CROCC2: variants seen among roughly 807,000 people sequenced by gnomAD.
The protein encoded by CROCC2 is ciliary rootlet coiled-coil protein 2.
In CROCC2, 163 loss-of-function variants were observed where a neutral mutation model predicts 177.6. The observed-to-expected ratio is 0.92, with a 90% CI of 0.81 to 1.05. The LOEUF is 1.05. CROCC2 is among the 50% of genes least tolerant of loss of function. The pLI is 0.00. For synonymous variants in CROCC2, 904 were observed against 787.3 expected (o/e 1.15, Z -2.48); for missense variants, 1,929 against 1,797.8 (o/e 1.07, Z -1.32).
chr2:240,926,927 C>G (rs1020056303), intron 5 of CROCC2, among the ~76,000 whole-genome samples: 1 of 152,256 alleles, frequency 6.6e-6, no homozygotes, highest in African/African-American at 2.4e-5. Context: ...GGTCCCTGTC[C>G]TTGGACCGCT....
chr2:240,914,361 T>C (rs1440143801), intron 1 of CROCC2, among the ~76,000 whole-genome samples: 1 of 152,132 alleles, frequency 6.6e-6, no homozygotes, highest in African/African-American at 2.4e-5. Flanking sequence ...TGTGAAAACG[T>C]TTGCAAGTGG....
chr2:240,958,238 G>A lies in CROCC2; in HGVS notation c.2944-1063G>A. On this transcript the variant is annotated intron_variant, in intron 19 of 31. Transcript: ENST00000690015. The surrounding 1 kb of genome is among the most constrained non-coding windows in gnomAD (Gnocchi z 6.7). ...CCATCGGGCTCCCAGCCGATGCCCT[G>A]TCCCTGAGGCCCTCACAGGGGTATC... 1.0e-6 allele frequency: 1 copy of A among 968,024 alleles called. No homozygotes were observed. Among genetic ancestry groups the A allele is most frequent in the Non-Finnish European group, 1.2e-6 (1 of 813,942 alleles). The allele number at this position is 968,024 out of a possible 1,614,324, so 60.0% of individuals were successfully genotyped here.
chr2:240,939,464 G>A (rs1375486692), intron 14 of CROCC2, among the ~76,000 whole-genome samples: 1 of 141,744 alleles, frequency 7.1e-6, no homozygotes, highest in Non-Finnish European at 1.5e-5. Context: ...TTCTTTCCTT[G>A]GAATCATCAG....
Position 240,973,518 on chromosome 2 carries a change from T to C in CROCC2, c.4401+5256T>C, listed in dbSNP as rs112889480. On this transcript the variant is annotated intron_variant, in intron 27 of 31. Transcript: ENST00000690015. The surrounding 1 kb of genome is among the most constrained non-coding windows in gnomAD (Gnocchi z 4.7). ...TTCTTGGACTCTTGCCCAGGCCTCC[T>C]TCCCCCACTGTGCCCACGTGCCACA... 0.013 allele frequency among the ~76,000 whole-genome samples: 1,956 copies of C among 151,932 alleles called. 49 individuals carry two copies. Among genetic ancestry groups the C allele is most frequent in the African/African-American group, 0.045 (1,857 of 41,388 alleles).
At chr2:240,923,364 C>T (rs549867104) in intron 4 of CROCC2, among the ~76,000 whole-genome samples, 2 of 151,956 alleles carry the variant, frequency 1.3e-5, no homozygotes, top group African/African-American at 4.8e-5. Flanking sequence ...GGATCACCCA[C>T]TCACACCCTG....
chr2:240,965,958 G>T lies in CROCC2; in HGVS notation c.3926G>T (p.Trp1309Leu). Residue 1309 changes from tryptophan (W) to leucine (L), a missense_variant, in exon 24 of 32, where the codon TGG becomes TTG. Physicochemically the swap from Trp to Leu is moderately conservative, Grantham distance 61. Around this residue, in one of 3 missense-constraint regions of CROCC2, gnomAD observed 144 missense variants for 205.2 expected, o/e 0.70. Transcript: ENST00000690015. The part of the protein sequence containing the change: ...RGLGLQRQSP[W>L]ASPEQPGSPT... The stretch of plus-strand genomic sequence containing the variant: ...CTGGGGCTCCAGAGACAGAGCCCGT[G>T]GGCCTCCCCGGAGCAGCCTGGTTCC... 1 of 1,393,280 alleles carries T rather than the reference G, an allele frequency of 7.2e-7. No homozygotes were observed. Among genetic ancestry groups the T allele is most frequent in the African/African-American group, 1.5e-5 (1 of 68,040 alleles). The allele number at this position is 1,393,280 out of a possible 1,614,324, so 86.3% of individuals were successfully genotyped here.
chr2:240,971,468 G>A (rs115005249), intron 27 of CROCC2, among the ~76,000 whole-genome samples: 3,552 of 152,244 alleles, frequency 0.023, 154 homozygotes, highest in African/African-American at 0.081. Flanking sequence ...CTCCTTGTTT[G>A]CCTCTGACCT....
At chr2:240,959,541 A>G (rs941205898) in intron 20 of CROCC2, 97 bp downstream of exon 20, 1 of 1,422,962 alleles carries the variant, frequency 7.0e-7, no homozygotes, top group African/African-American at 1.4e-5. Flanking sequence ...CCAGGAGGAA[A>G]GAGAGGCTGT....
intron 28 of CROCC2, 66 bp from the exon 29 acceptor site, chr2:240,988,670 AGAG>A: frequency 1.5e-6 from 2 of 1,292,672 alleles, no homozygotes. Flanking sequence ...CTGTGCTCCC[AGAG>A]GAGGGCTGGC....
chr2:240,950,280 A>C (rs2059545902), intron 17 of CROCC2, 54 bp from the exon 18 acceptor site: 1 of 1,512,768 alleles, frequency 6.6e-7, no homozygotes, highest in Non-Finnish European at 8.9e-7. Flanking sequence ...GACCATAGAC[A>C]ACTGCTGGCC....
chr2:240,982,724 G>T lies in CROCC2; in HGVS notation c.4402-156G>T, dbSNP rs1221842056. Reference sequence around the variant, plus strand: ...TTGCAAACACAATCACCTGATCAACGCACTTCAGGTTGTCCTTAACCACGT... The same window carrying T: ...TTGCAAACACAATCACCTGATCAACTCACTTCAGGTTGTCCTTAACCACGT... On this transcript the variant is annotated intron_variant, in intron 27 of 31. Transcript: ENST00000690015. The surrounding 1 kb of genome is among the most constrained non-coding windows in gnomAD (Gnocchi z 4.7). 1.8e-5 allele frequency: 11 copies of T among 620,718 alleles called. No individual in the cohort carries two copies. The highest frequency in any genetic ancestry group is 2.8e-5 in the Non-Finnish European group (10 of 359,644). The allele number at this position is 620,718 out of a possible 1,614,324, so 38.5% of individuals were successfully genotyped here. A position where few individuals can be genotyped will look rare whatever the true frequency, so the allele number is the denominator to read the frequency against.
chr2:240,936,077 T>C (rs4675843), intron 14 of CROCC2, among the ~76,000 whole-genome samples: 63,972 of 152,022 alleles, frequency 0.42, 13,931 homozygotes, highest in East Asian at 0.52. Context: ...ACCCTGTCCA[T>C]GCTGAGTTTC....
Position 240,917,223 on chromosome 2 carries a change from G to A in CROCC2, c.79-1503G>A, listed in dbSNP as rs1250290846. Among the ~76,000 whole-genome samples, 1 of 152,204 alleles carries A rather than the reference G, an allele frequency of 6.6e-6. No homozygotes were observed. Among genetic ancestry groups the A allele is most frequent in the Non-Finnish European group, 1.5e-5 (1 of 68,026 alleles). ...TTTGCTGAGTGGCTGCCCTTTGCAG[G>A]GCAGCAGAGTCGGAATAGGGCCTCT... On this transcript the variant is annotated intron_variant, in intron 1 of 31. Transcript: ENST00000690015. The surrounding 1 kb of genome is among the most constrained non-coding windows in gnomAD (Gnocchi z 4.9).
Position 240,958,538 on chromosome 2 carries a change from C to G in CROCC2, c.2944-763C>G. On this transcript the variant is annotated intron_variant, in intron 19 of 31. Transcript: ENST00000690015. This position sits in a 1 kb window ranked among gnomAD's most constrained non-coding sequence, Gnocchi z 6.7. ...ATGTGGGCACCTGTGCCCCCAGGAA[C>G]ACAAAGCCAGCTCTGGAGGGAGCCA... 1 of 983,834 alleles carries G rather than the reference C, an allele frequency of 1.0e-6. No individual in the cohort carries two copies. Among genetic ancestry groups the G allele is most frequent in the Non-Finnish European group, 1.2e-6 (1 of 828,478 alleles). The allele number at this position is 983,834 out of a possible 1,614,324, so 60.9% of individuals were successfully genotyped here. A position where few individuals can be genotyped will look rare whatever the true frequency, so the allele number is the denominator to read the frequency against.
chr2:240,987,962 C>T (rs959219965), intron 28 of CROCC2, among the ~76,000 whole-genome samples: 1 of 152,258 alleles, frequency 6.6e-6, no homozygotes, highest in Non-Finnish European at 1.5e-5. Context: ...GTGCTGGAAG[C>T]AGGCTGTCTG....
At chr2:240,952,314 T>TGA (rs2059561685) in intron 18 of CROCC2, among the ~76,000 whole-genome samples, 1 of 38,984 alleles carries the variant, frequency 2.6e-5, no homozygotes, top group Non-Finnish European at 4.8e-5. Context: ...ATACTCCTTC[T>TGA]CAAAAAAAAA....
At chr2:240,941,430 T>G (rs187033709) in intron 14 of CROCC2, among the ~76,000 whole-genome samples, 16 of 152,292 alleles carry the variant, frequency 1.1e-4, no homozygotes, top group Admixed American at 3.3e-4. Flanking sequence ...CTTCAAACTA[T>G]ACTATAAGGT....
chr2:240,940,152 A>G (rs1216823549), intron 14 of CROCC2, among the ~76,000 whole-genome samples: 1 of 152,152 alleles, frequency 6.6e-6, no homozygotes, highest in Non-Finnish European at 1.5e-5. Context: ...ACAGAAGGGC[A>G]TTACAATCTC....
chr2:240,922,457 C>A, intron 3 of CROCC2, 82 bp from the exon 4 acceptor site: 2 of 617,306 alleles, frequency 3.2e-6, no homozygotes, highest in African/African-American at 1.9e-5. Flanking sequence ...CCACTAAGGT[C>A]GGCTTTGTGC....
Sources: gnomAD v4.1 joint callset for allele counts (sites outside exome capture counted in the v4.1 genomes callset) on GRCh38, gnomAD v4.1.1 for gene constraint, gnomAD v4.1.1 regional missense constraint, Gnocchi (gnomAD v3.1) non-coding constraint, MANE v1.5 for transcripts, NCBI Gene and HGNC (gene_info 2026-07-23, HGNC 2026-07-21) for gene names.